Variants in SIRPB1 observed in about 807,000 individuals in gnomAD.
The protein encoded by SIRPB1 is signal-regulatory protein beta-1.
Under a neutral mutation model 34.1 loss-of-function variants are expected in SIRPB1, and 28 were observed. That is an observed-to-expected ratio of 0.82 (90% CI 0.61 to 1.12). The LOEUF (loss-of-function observed/expected upper bound fraction) is 1.12. SIRPB1 is among the 50% of genes most tolerant of loss of function. The probability of loss-of-function intolerance (pLI) is 0.00; values close to 1 mark genes in which losing one functional copy is unlikely to be tolerated. For synonymous variants in SIRPB1, 211 were observed against 203.8 expected (o/e 1.04, Z -0.30); for missense variants, 499 against 507.0 (o/e 0.98, Z 0.15).
rs1026045205 is a variant in SIRPB1, at chr20:1,589,361, G to A, written c.77-10667C>T. ...TGGAAAAGGGATAGGGTTATGATTC[G>A]GGCAGAATGTGGCGGACAGGTTCCT... On this transcript the variant is annotated intron_variant, in intron 1 of 5. Coordinates refer to ENST00000381605, the MANE Select transcript of SIRPB1 (RefSeq NM_006065.5). Among the ~76,000 whole-genome samples the A allele has an allele frequency of 7.7e-4, 37 of 48,140 alleles. 14 individuals carry two copies. Among genetic ancestry groups the A allele is most frequent in the Non-Finnish European group, 7.2e-4 (18 of 25,172 alleles). 31.6% of individuals were successfully genotyped at this position (48,140 alleles called of 152,430 possible).
intron 1 of SIRPB1, among the ~76,000 whole-genome samples, chr20:1,583,848 T>TTACTACTAC (rs60912313): frequency 0.025 from 818 of 32,566 alleles, 340 homozygotes; most frequent in Middle Eastern, 0.062. Flanking sequence ...AAGGGAAGTC[T>TTACTACTAC]TACTACTACT....
chr20:1,570,459 G>A (rs2091213106), intron 4 of SIRPB1: 1 of 195,672 alleles, frequency 5.1e-6, no homozygotes, highest in Admixed American at 5.5e-5. Context: ...TGCTGTGCTG[G>A]CGAGAAATGC....
chr20:1,572,012 C>G lies in SIRPB1; in HGVS notation c.459G>C (p.Ser153=), dbSNP rs376797875. Residue 153 remains serine, a synonymous_variant, in exon 3 of 6, where the codon TCG becomes TCC. Coordinates refer to ENST00000381605, the MANE Select transcript of SIRPB1 (RefSeq NM_006065.5). The part of the protein sequence containing the change: ...VRAKPSAPVV[S]GPAVRATPEH... ...CAGGTGTGGCCCTCACCGCAGGGCCCGATACCACGGGGGCAGAGGGTTTGG... is the reference window on the plus strand; with the variant it reads ...CAGGTGTGGCCCTCACCGCAGGGCCGGATACCACGGGGGCAGAGGGTTTGG... 9.9e-6 allele frequency: 16 copies of G among 1,613,940 alleles called. No homozygotes were observed. In the Middle Eastern group the frequency reaches 8.3e-4, roughly 84 times the overall value.
Position 1,561,569 on chromosome 20 carries a change from T to C in SIRPB1, c.*3931A>G, listed in dbSNP as rs1044431746. 6.6e-6 allele frequency among the ~76,000 whole-genome samples: 1 copy of C among 152,234 alleles called. No homozygotes were observed. The highest frequency in any genetic ancestry group is 1.5e-5 in the Non-Finnish European group (1 of 68,052). Reference sequence around the variant, plus strand: ...TGACCTTGACAGTTTTGAGGAGTTCTGGGCCCGATGTTGCAGAATGCCTCC... The same window carrying C: ...TGACCTTGACAGTTTTGAGGAGTTCCGGGCCCGATGTTGCAGAATGCCTCC... On this transcript the variant is annotated 3_prime_UTR_variant, in exon 6 of 6. Transcript: ENST00000381605.
At chr20:1,616,916 T>G (rs1434031781) in intron 1 of SIRPB1, among the ~76,000 whole-genome samples, 1 of 152,162 alleles carries the variant, frequency 6.6e-6, no homozygotes, top group Non-Finnish European at 1.5e-5. Flanking sequence ...AAAGAAGACA[T>G]TAAAATGGCC....
At chr20:1,617,417 A>G (rs888192322) in intron 1 of SIRPB1, among the ~76,000 whole-genome samples, 3 of 152,228 alleles carry the variant, frequency 2.0e-5, no homozygotes, top group African/African-American at 7.2e-5. Context: ...TATTATGCTA[A>G]GTAAAATAAG....
At chr20:1,613,209 A>G (rs77720410) in intron 1 of SIRPB1, among the ~76,000 whole-genome samples, 8 of 72,614 alleles carry the variant, frequency 1.1e-4, no homozygotes, top group African/African-American at 6.2e-4. Flanking sequence ...CAGCAGAGCT[A>G]TGTGTCTTCT....
At chr20:1,567,494 C>T (rs1029887390) in intron 4 of SIRPB1, among the ~76,000 whole-genome samples, 2 of 152,234 alleles carry the variant, frequency 1.3e-5, no homozygotes, top group Non-Finnish European at 2.9e-5. Flanking sequence ...ATGCCTCCTG[C>T]ATTGCTTTAT....
In SIRPB1 at chr20:1,610,643, G is replaced by C. The variant is rs370903335; in HGVS notation, c.76+9226C>G. Reference sequence around the variant, plus strand: ...GCTCTGCTCGGAGCCCATGGTAACTGTGTGACTCAGTCCCCAAATCGCAGA... The same window carrying C: ...GCTCTGCTCGGAGCCCATGGTAACTCTGTGACTCAGTCCCCAAATCGCAGA... On this transcript the variant is annotated intron_variant, in intron 1 of 5. Coordinates refer to ENST00000381605, the MANE Select transcript of SIRPB1 (RefSeq NM_006065.5). Among the ~76,000 whole-genome samples, 11 of 71,870 alleles carry C rather than the reference G, an allele frequency of 1.5e-4. 5 individuals carry two copies. Among genetic ancestry groups the C allele is most frequent in the East Asian group, 1.2e-3 (2 of 1,714 alleles). The allele number at this position is 71,870 out of a possible 152,430, so 47.1% of individuals were successfully genotyped here.
At position 1,578,561 on chromosome 20, in the gene SIRPB1, T is replaced by A. The variant is rs1437408923; in HGVS notation, c.210A>T (p.Gly70=). Residue 70 remains glycine (G), a synonymous_variant, in exon 2 of 6, where the codon GGA becomes GGT. Coordinates refer to ENST00000381605, the MANE Select transcript of SIRPB1 (RefSeq NM_006065.5). ...IPVGPIMWFR[G]AGAGRELIYN... is the part of the protein sequence containing the mutation. ...AGATTAATTCCCGGCCTGCTCCAGC[T>A]CCTCTAAACCACATGATGGGCCCCA... 1 of 1,583,852 alleles carries A rather than the reference T, an allele frequency of 6.3e-7. No homozygotes were observed. Among genetic ancestry groups the A allele is most frequent in the Admixed American group, 1.7e-5 (1 of 59,272 alleles).
chr20:1,561,387 ATTAAT>A lies in SIRPB1; in HGVS notation c.*4108_*4112del, dbSNP rs1242549792. On this transcript the variant is annotated 3_prime_UTR_variant, in exon 6 of 6. Transcript: ENST00000381605. ...AATGAACCAATATTGATACATTATG[ATTAAT>A]CAAAGTTCATAGTTTATTTAGATCT... 2.0e-5 allele frequency among the ~76,000 whole-genome samples: 2 copies of A among 99,584 alleles called. No homozygotes were observed. The highest frequency in any genetic ancestry group is 1.8e-4 in the Admixed American group (2 of 11,074). The allele number at this position is 99,584 out of a possible 152,430, so 65.3% of individuals were successfully genotyped here.
chr20:1,577,602 G>A (rs182496710), intron 2 of SIRPB1, among the ~76,000 whole-genome samples: 1 of 147,038 alleles, frequency 6.8e-6, no homozygotes, highest in East Asian at 1.9e-4. Context: ...GCTCTGCTCG[G>A]AGCCCATGGT....
rs570485292 is a variant in SIRPB1, at chr20:1,589,752, A to C, written c.77-11058T>G. Among the ~76,000 whole-genome samples the C allele has an allele frequency of 4.2e-5, 2 of 48,192 alleles. 1 individual carries two copies. Among genetic ancestry groups the C allele is most frequent in the Non-Finnish European group, 8.0e-5 (2 of 25,136 alleles). 31.6% of individuals were successfully genotyped at this position (48,192 alleles called of 152,430 possible). A position where few individuals can be genotyped will look rare whatever the true frequency, so the allele number is the denominator to read the frequency against. ...GCCCACCAGTGGCTTTCTCCCAGCA[A>C]CCCAGGCCTCCTGAGACCCAGATTA... On this transcript the variant is annotated intron_variant, in intron 1 of 5. Coordinates refer to ENST00000381605, the MANE Select transcript of SIRPB1 (RefSeq NM_006065.5).
chr20:1,619,217 G>A (rs554694704), intron 1 of SIRPB1, among the ~76,000 whole-genome samples: 1 of 152,328 alleles, frequency 6.6e-6, no homozygotes, highest in South Asian at 2.1e-4. Context: ...CAGCCACCCA[G>A]CCTGCAGTTC....
intron 2 of SIRPB1, among the ~76,000 whole-genome samples, chr20:1,576,982 G>A (rs915072183): frequency 1.3e-5 from 2 of 148,282 alleles, no homozygotes; most frequent in African/African-American, 4.9e-5. Flanking sequence ...ATCAACAGAA[G>A]ACTGTAAAAT....
At chr20:1,572,210 G>A (rs553576604) in intron 2 of SIRPB1, among the ~76,000 whole-genome samples, 173 bp from the exon 3 acceptor site, 61 of 152,274 alleles carry the variant, frequency 4.0e-4, no homozygotes, top group African/African-American at 1.4e-3. Flanking sequence ...AGCTCTTAGA[G>A]GTGAGAACCA....
chr20:1,566,152 C>T lies in SIRPB1; in HGVS notation c.*2+1G>A. ...GTCAGTCCTCCCTCTCCTAAACTTA[C>T]AGTCAGGCCTTCTGTTTCCAGCAGA... On this transcript the variant is annotated splice_donor_variant, in intron 5 of 5. Transcript: ENST00000381605. LOFTEE classifies it low-confidence loss of function (3UTR_SPLICE). The T allele has an allele frequency of 1.9e-6, 3 of 1,593,342 alleles. No homozygotes were observed. The highest frequency in any genetic ancestry group is 1.1e-5 in the South Asian group (1 of 88,394).
rs1352181175 is a variant in SIRPB1 at position 1,578,079 on chromosome 20, G to T, written c.433+259C>A. 5.8e-6 allele frequency: 3 copies of T among 513,070 alleles called. 1 individual carries two copies. The Admixed American group carries it at 9.7e-5, about 17-fold the overall frequency. 31.8% of individuals were successfully genotyped at this position (513,070 alleles called of 1,614,324 possible). The stretch of plus-strand genomic sequence containing the variant: ...TCTGTGGAACCAAAGGGCTGGGTCA[G>T]CTTTGGAAACACAAGAGCTGTAGAG... On this transcript the variant is annotated intron_variant, in intron 2 of 5. Coordinates refer to ENST00000381605, the MANE Select transcript of SIRPB1 (RefSeq NM_006065.5).
chr20:1,565,766 G>A, intron 5 of SIRPB1, among the ~76,000 whole-genome samples: 1 of 151,130 alleles, frequency 6.6e-6, no homozygotes, highest in African/African-American at 2.4e-5. Context: ...CAGCCTATCT[G>A]GGAATTCTCA....
Sources: allele counts gnomAD v4.1 joint callset (sites outside exome capture counted in the v4.1 genomes callset), GRCh38; gene constraint gnomAD v4.1.1; transcripts MANE v1.5; gene names NCBI Gene and HGNC (gene_info 2026-07-23, HGNC 2026-07-21).